Variants in UBAC1 observed in about 807,000 individuals in gnomAD.
UBAC1 encodes UBA domain containing 1, also known as ubiquitin-associated domain-containing protein 1.
A neutral mutation model predicts 45.9 loss-of-function variants in UBAC1; 27 were observed. The ratio of observed to expected loss-of-function variants is 0.59; its 90% CI spans 0.43 to 0.81. The LOEUF is 0.81. UBAC1 is among the 30% of genes least tolerant of loss of function. The pLI, the probability that UBAC1 is intolerant of heterozygous loss-of-function variation, is 0.00. For synonymous variants in UBAC1, 227 were observed against 215.5 expected, an observed-to-expected ratio of 1.05 and a Z score of -0.47; for missense variants, 529 against 539.2, an observed-to-expected ratio of 0.98 and a Z score of 0.19.
intron 3 of UBAC1, among the ~76,000 whole-genome samples, chr9:135,948,733 A>G (rs1324825722): frequency 6.6e-6 from 1 of 152,254 alleles, no homozygotes; most frequent in Admixed American, 6.5e-5. Flanking sequence ...CCACACCCAA[A>G]GCGCAGTGCC....
At chr9:135,947,015 C>T (rs1043560363) in intron 4 of UBAC1, among the ~76,000 whole-genome samples, 11 of 152,170 alleles carry the variant, frequency 7.2e-5, no homozygotes, top group Non-Finnish European at 1.6e-4. Context: ...ATGCCCTGGT[C>T]AGCACAGAAC....
At position 135,945,010 on chromosome 9, in the gene UBAC1, A is replaced by T. The variant is rs1401364942; in HGVS notation, c.876+18T>A. ...AGACACAGCGACTCTGCCTGGCGAC[A>T]GGTCTAGTAACACATACCCGAGCAT... On this transcript the variant is annotated intron_variant, in intron 7 of 9. Transcript: ENST00000371756. The T allele has an allele frequency of 2.5e-6, 4 of 1,599,400 alleles. No individual in the cohort carries two copies. In the African/African-American group the frequency reaches 5.4e-5, roughly 21 times the overall value.
In UBAC1 at chr9:135,945,247, C is replaced by T. The variant is rs1441060014; in HGVS notation, c.657G>A (p.Met219Ile). 1.3e-6 allele frequency: 2 copies of T among 1,581,428 alleles called. No homozygotes were observed. The highest frequency in any genetic ancestry group is 1.1e-5 in the South Asian group (1 of 87,982). The change falls in exon 7 of 10, where the codon ATG becomes ATA. Residue 219 changes from methionine (M) to isoleucine (I), a missense_variant. Coordinates refer to ENST00000371756, the MANE Select transcript of UBAC1 (RefSeq NM_016172.3). ...RATKALQLNH[M>I]SVPQAMEWLI... ...GCCACTCCATGGCCTGAGGCACCGA[C>T]ATGCTGCAAGGCAAGAGACTCTTTC...
intron 2 of UBAC1, among the ~76,000 whole-genome samples, chr9:135,954,861 C>G (rs1025371016): frequency 6.6e-6 from 1 of 152,296 alleles, no homozygotes; most frequent in South Asian, 2.1e-4. Context: ...CAATTAAAGG[C>G]ATTATTTGAA....
intron 1 of UBAC1, among the ~76,000 whole-genome samples, chr9:135,959,359 G>A (rs1481661260): frequency 1.4e-5 from 2 of 147,082 alleles, no homozygotes; most frequent in African/African-American, 2.5e-5. Context: ...AAGTTTCTAG[G>A]GTTTTTTGTC....
rs200690398 is a variant in UBAC1, at chr9:135,961,080, T to G, written c.83A>C (p.Glu28Ala). Reference protein sequence around the residue: ...ICASDGAEWLEEATEDTSVEK... With the variant: ...ICASDGAEWLAEATEDTSVEK... ...CACCGAGGTGTCCTCGGTGGCCTCCTCCAGCCACTCGGCGCCGTCGGACGC... is the reference window on the plus strand; with the variant it reads ...CACCGAGGTGTCCTCGGTGGCCTCCGCCAGCCACTCGGCGCCGTCGGACGC... The change falls in exon 1 of 10, where the codon GAG becomes GCG. Residue 28 changes from glutamate (E) to alanine (A), a missense_variant. By Grantham distance (107) the Glu-to-Ala change is moderately radical. Transcript: ENST00000371756. The G allele has an allele frequency of 6.3e-7, 1 of 1,582,618 alleles. No homozygotes were observed. Among genetic ancestry groups the G allele is most frequent in the East Asian group, 2.4e-5 (1 of 41,548 alleles).
chr9:135,946,621 C>A (rs1839340173), intron 4 of UBAC1, among the ~76,000 whole-genome samples: 1 of 152,234 alleles, frequency 6.6e-6, no homozygotes, highest in South Asian at 2.1e-4. Context: ...TGGCCCGATA[C>A]TCAGCCTGTG....
intron 9 of UBAC1, among the ~76,000 whole-genome samples, chr9:135,934,641 C>T (rs1185959907): frequency 6.6e-6 from 1 of 152,168 alleles, no homozygotes; most frequent in Non-Finnish European, 1.5e-5. Flanking sequence ...GCCTGGGCAG[C>T]AGAGTGAGAC....
chr9:135,960,314 T>C (rs1485524192), intron 1 of UBAC1, among the ~76,000 whole-genome samples: 1 of 152,174 alleles, frequency 6.6e-6, no homozygotes, highest in Non-Finnish European at 1.5e-5. Context: ...CACAGGAGTA[T>C]TTCAGGTGAA....
At position 135,933,526 on chromosome 9, in the gene UBAC1, AAC is replaced by A. The variant is rs1274652131; in HGVS notation, c.1103-13_1103-12del. The A allele has an allele frequency of 6.2e-7, 1 of 1,610,130 alleles. No homozygotes were observed. The highest frequency in any genetic ancestry group is 2.2e-5 in the East Asian group (1 of 44,878). On this transcript the variant is annotated splice_polypyrimidine_tract_variant and intron_variant, in intron 9 of 9. Transcript: ENST00000371756. ...GCATGTCTTCAAATGCTGCAGGGAA[AAC>A]AGAGCCAGCCTGAGTGCCCACGCCC... is the stretch of plus-strand genomic sequence containing the variant.
intron 6 of UBAC1, 37 bp from the exon 7 acceptor site, chr9:135,945,287 T>G (rs1452641359): frequency 1.3e-6 from 2 of 1,512,710 alleles, no homozygotes; most frequent in African/African-American, 2.8e-5. Flanking sequence ...ATCCCCAGAC[T>G]AACGGACCAG....
At chr9:135,944,691 G>T (rs1010524010) in intron 7 of UBAC1, among the ~76,000 whole-genome samples, 2 of 152,252 alleles carry the variant, frequency 1.3e-5, no homozygotes, top group African/African-American at 4.8e-5. Flanking sequence ...GCCGAACAGG[G>T]GGGGCTTGTG....
At chr9:135,947,671 G>A (rs1308902095) in intron 4 of UBAC1, 127 bp downstream of exon 4, 14 of 699,158 alleles carry the variant, frequency 2.0e-5, no homozygotes, top group Admixed American at 3.1e-5. Flanking sequence ...CTACAGACCC[G>A]CTCACCGGCT....
chr9:135,940,047 G>T (rs527535345), intron 7 of UBAC1, among the ~76,000 whole-genome samples: 1 of 152,196 alleles, frequency 6.6e-6, no homozygotes, highest in Non-Finnish European at 1.5e-5. Flanking sequence ...AGGTAGAAAC[G>T]CATCGCTTAT....
At position 135,945,203 on chromosome 9, in the gene UBAC1, T is replaced by A; in HGVS notation, c.701A>T (p.Asp234Val). The A allele has an allele frequency of 6.2e-7, 1 of 1,609,496 alleles. No individual in the cohort carries two copies. Among genetic ancestry groups the A allele is most frequent in the African/African-American group, 1.3e-5 (1 of 74,864 alleles). ...AMEWLIEHAE[D>V]PTIDTPLPGQ... The stretch of plus-strand genomic sequence containing the variant: ...AGGAAGAGGCGTGTCTATGGTCGGG[T>A]CTTCTGCGTGTTCAATTAGCCACTC... The change falls in exon 7 of 10, where the codon GAC becomes GTC. Residue 234 changes from aspartate (D) to valine (V), a missense_variant. Transcript: ENST00000371756.
intron 5 of UBAC1, 74 bp downstream of exon 5, chr9:135,946,195 T>C (rs780311054): frequency 1.7e-5 from 20 of 1,162,148 alleles, no homozygotes; most frequent in Non-Finnish European, 2.5e-5. Flanking sequence ...CAGTGGTCAG[T>C]GCGTGGAGCT....
In UBAC1 at chr9:135,953,757, G is replaced by C. The variant is rs1230452817; in HGVS notation, c.260-4C>G. The C allele has an allele frequency of 3.7e-6, 6 of 1,612,954 alleles. No individual in the cohort carries two copies. The highest frequency in any genetic ancestry group is 3.4e-6 in the Non-Finnish European group (4 of 1,179,366). On this transcript the variant is annotated splice_polypyrimidine_tract_variant and splice_region_variant and intron_variant, in intron 2 of 9. Coordinates refer to ENST00000371756, the MANE Select transcript of UBAC1 (RefSeq NM_016172.3). ...TTTTTTATCAATAATAGGACATCTAGAAAAAACAACACGTATATCCAACAC... is the reference window on the plus strand; with the variant it reads ...TTTTTTATCAATAATAGGACATCTACAAAAAACAACACGTATATCCAACAC...
intron 3 of UBAC1, among the ~76,000 whole-genome samples, chr9:135,953,361 G>A (rs1839429406): frequency 6.6e-6 from 1 of 152,142 alleles, no homozygotes; most frequent in Admixed American, 6.5e-5. Context: ...TCTGTCGCCA[G>A]GCTGGAGTGC....
At chr9:135,949,135 C>T (rs1793058082) in intron 3 of UBAC1, among the ~76,000 whole-genome samples, 2 of 151,558 alleles carry the variant, frequency 1.3e-5, no homozygotes, top group South Asian at 4.2e-4. Context: ...TGTTTATGAG[C>T]CAGGACAGAC....
Sources: gnomAD v4.1 joint callset for allele counts (sites outside exome capture counted in the v4.1 genomes callset) on GRCh38, gnomAD v4.1.1 for gene constraint, MANE v1.5 for transcripts, NCBI Gene and HGNC (gene_info 2026-07-23, HGNC 2026-07-21) for gene names.